SLC22A2: variants seen among roughly 807,000 people sequenced by gnomAD.
SLC22A2 encodes organic cation transporter 2.
Under a neutral mutation model 60.5 loss-of-function variants are expected in SLC22A2, and 46 were observed. The ratio of observed to expected loss-of-function variants is 0.76; its 90% CI spans 0.60 to 0.97. SLC22A2 has a LOEUF of 0.97. SLC22A2 is among the 50% of genes least tolerant of loss of function. SLC22A2 has a pLI of 0.00. For missense variants in SLC22A2, 701 were observed against 706.6 expected, an observed-to-expected ratio of 0.99 and a Z score of 0.09; for synonymous variants, 303 against 267.0, an observed-to-expected ratio of 1.13 and a Z score of -1.31.
intron 10 of SLC22A2, among the ~76,000 whole-genome samples, chr6:160,218,807 A>G (rs1190252805): frequency 9.0e-4 from 1 of 1,114 alleles, no homozygotes; most frequent in African/African-American, 4.4e-3. Flanking sequence ...AGCAGCAACA[A>G]TAGCAACAGA....
intron 4 of SLC22A2, 56 bp from the exon 5 acceptor site, chr6:160,247,354 C>G: frequency 1.1e-6 from 1 of 912,936 alleles, no homozygotes; most frequent in East Asian, 2.4e-5. Flanking sequence ...TACCCCATCC[C>G]CCATTTTTTT....
rs201597057 is a variant in SLC22A2, at chr6:160,258,630, A to G, written c.128T>C (p.Leu43Pro). The change falls in exon 1 of 11, where the codon CTG becomes CCG. Residue 43 changes from leucine to proline, a missense_variant. By Grantham distance (98) the Leu-to-Pro change is moderately conservative. Coordinates refer to ENST00000366953, the MANE Select transcript of SLC22A2 (RefSeq NM_003058.4). ...GCAGCGGTGGTCAGGGGTGAAGCCC[A>G]GGAAGACGATGCCCACGTAGATGGG... ...FAPIYVGIVF[L>P]GFTPDHRCRS... 6.2e-7 allele frequency: 1 copy of G among 1,613,992 alleles called. No homozygotes were observed. The highest frequency in any genetic ancestry group is 8.5e-7 in the Non-Finnish European group (1 of 1,179,958).
At position 160,256,681 on chromosome 6, in the gene SLC22A2, G is replaced by C; in HGVS notation, c.451C>G (p.Leu151Val). 1 of 1,614,076 alleles carries C rather than the reference G, an allele frequency of 6.2e-7. No individual in the cohort carries two copies. The highest frequency in any genetic ancestry group is 8.5e-7 in the Non-Finnish European group (1 of 1,179,946). The change falls in exon 2 of 11, where the codon CTA becomes GTA. Residue 151 changes from leucine to valine, a missense_variant. Transcript: ENST00000366953. Reference sequence around the variant, plus strand: ...CCTACATTCACTGATGACTGGAATAGGTCCAACATCCAGGAGTTGGCACAT... The same window carrying C: ...CCTACATTCACTGATGACTGGAATACGTCCAACATCCAGGAGTTGGCACAT... ...LVCANSWMLD[L>V]FQSSVNVGFF...
At chr6:160,235,808 A>C (rs947914508) in intron 9 of SLC22A2, among the ~76,000 whole-genome samples, 1 of 152,098 alleles carries the variant, frequency 6.6e-6, no homozygotes, top group Non-Finnish European at 1.5e-5. Flanking sequence ...TTTAACATTA[A>C]TAGTACACTA....
At chr6:160,234,500 C>T (rs1172003821) in intron 9 of SLC22A2, among the ~76,000 whole-genome samples, 1 of 152,222 alleles carries the variant, frequency 6.6e-6, no homozygotes, top group Non-Finnish European at 1.5e-5. Context: ...CCTGCCGCCC[C>T]ACCAGACAAT....
chr6:160,253,523 C>T (rs1183983731), intron 2 of SLC22A2, among the ~76,000 whole-genome samples: 3 of 152,062 alleles, frequency 2.0e-5, no homozygotes, highest in African/African-American at 4.8e-5. Flanking sequence ...GTGTCCAAGC[C>T]CCGCCTCCAG....
intron 2 of SLC22A2, 64 bp from the exon 3 acceptor site, chr6:160,250,766 T>C: frequency 1.3e-6 from 2 of 1,516,950 alleles, no homozygotes; most frequent in Non-Finnish European, 1.8e-6. Flanking sequence ...TTGTGGAAAA[T>C]GCATGGAAGT....
At position 160,258,436 on chromosome 6, in the gene SLC22A2, C is replaced by A. The variant is rs1366541162; in HGVS notation, c.322G>T (p.Ala108Ser). ...QSTFDCVDPL[A>S]SLDTNRSRLP... Reference sequence around the variant, plus strand: ...CGGCTCCTGTTGGTGTCCAGGCTGGCCAGGGGGTCCACGCAGTCGAAGGTG... The same window carrying A: ...CGGCTCCTGTTGGTGTCCAGGCTGGACAGGGGGTCCACGCAGTCGAAGGTG... Residue 108 changes from alanine (A) to serine (S), a missense_variant, in exon 1 of 11, where the codon GCC (alanine) becomes TCC (serine). Physicochemically the swap from Ala to Ser is moderately conservative, Grantham distance 99 (BLOSUM62 1). Coordinates refer to ENST00000366953, the MANE Select transcript of SLC22A2 (RefSeq NM_003058.4). 1 of 1,613,992 alleles carries A rather than the reference C, an allele frequency of 6.2e-7. No homozygotes were observed. Among genetic ancestry groups the A allele is most frequent in the Non-Finnish European group, 8.5e-7 (1 of 1,180,032 alleles).
At chr6:160,241,629 T>G (rs1783004775) in intron 8 of SLC22A2, 43 bp from the exon 9 acceptor site, 1 of 1,268,184 alleles carries the variant, frequency 7.9e-7, no homozygotes, top group Non-Finnish European at 1.2e-6. Context: ...CTTATCACAG[T>G]GCAGTAGTTA....
At chr6:160,224,618 T>C (rs767248826) in intron 10 of SLC22A2, 87 bp downstream of exon 10, 1 of 665,796 alleles carries the variant, frequency 1.5e-6, no homozygotes. Flanking sequence ...GTGTGAAGTA[T>C]AAAGTCAATT....
rs1391775323 is a variant in SLC22A2 at position 160,217,043 on chromosome 6, T to C, written c.*389A>G. 5.6e-5 allele frequency: 9 copies of C among 160,138 alleles called. No homozygotes were observed. The highest frequency in any genetic ancestry group is 2.2e-4 in the African/African-American group (9 of 40,944). The allele number at this position is 160,138 out of a possible 1,614,324, so 9.9% of individuals were successfully genotyped here. A position where few individuals can be genotyped will look rare whatever the true frequency, so the allele number is the denominator to read the frequency against. On this transcript the variant is annotated 3_prime_UTR_variant, in exon 11 of 11. Transcript: ENST00000366953. ...TTTATTTCTTTAAGAAAATAGATGC[T>C]CCTCTCCCAACTTTACTGTTTTTCA...
chr6:160,224,802 C>A lies in SLC22A2; in HGVS notation c.1504G>T (p.Val502Leu), dbSNP rs140033522. Reference protein sequence around the residue: ...WLELPLMVFGVLGLVAGGLVL... With the variant: ...WLELPLMVFGLLGLVAGGLVL... ...AGACCTCCAGCAACCAAGCCAAGCA[C>A]GCCTGAAAGCCAAACAGATGAATAT... Residue 502 changes from valine (V) to leucine (L), a missense_variant and splice_region_variant, in exon 10 of 11, where the codon GTG becomes TTG. Val to Leu is a conservative substitution (Grantham distance 32, BLOSUM62 1). Transcript: ENST00000366953. 1.3e-6 allele frequency: 2 copies of A among 1,559,648 alleles called. No individual in the cohort carries two copies. The highest frequency in any genetic ancestry group is 1.8e-5 in the Admixed American group (1 of 56,632).
intron 2 of SLC22A2, among the ~76,000 whole-genome samples, chr6:160,253,945 G>T (rs559736328): frequency 6.6e-6 from 1 of 152,176 alleles, no homozygotes; most frequent in Admixed American, 6.5e-5. Flanking sequence ...CCCTCCCAGA[G>T]AACTAGTTGT....
chr6:160,218,930 G>GC (rs1192118124), intron 10 of SLC22A2, among the ~76,000 whole-genome samples: 40 of 37,466 alleles, frequency 1.1e-3, no homozygotes, highest in Non-Finnish European at 1.7e-3. Context: ...AGCAGCAACA[G>GC]AAGTAGCAGT....
intron 9 of SLC22A2, among the ~76,000 whole-genome samples, chr6:160,236,284 G>A (rs1782910959): frequency 6.6e-6 from 1 of 152,184 alleles, no homozygotes; most frequent in African/African-American, 2.4e-5. Context: ...CAAAGCAGGA[G>A]TTAACTGCAT....
At chr6:160,245,881 T>TC (rs1491536732) in intron 5 of SLC22A2, among the ~76,000 whole-genome samples, 3 of 132,566 alleles carry the variant, frequency 2.3e-5, no homozygotes, top group East Asian at 2.1e-4. Context: ...TTTTTTTTTT[T>TC]CCCCGAGACA....
Position 160,245,534 on chromosome 6 carries a change from A to G in SLC22A2, c.969T>C (p.Leu323=). The stretch of plus-strand genomic sequence containing the variant: ...TCAATTTCTTGCCAGTTTCCTCTTC[A>G]AGTCTCAGGCGCTAAGAAAAGGAAT... ...SLPASLQRLR[L]EEETGKKLNP... Residue 323 remains leucine, a synonymous_variant, in exon 6 of 11, where the codon CTT becomes CTC. Coordinates refer to ENST00000366953, the MANE Select transcript of SLC22A2 (RefSeq NM_003058.4). 6.2e-7 allele frequency: 1 copy of G among 1,608,958 alleles called. No homozygotes were observed. The highest frequency in any genetic ancestry group is 1.1e-5 in the South Asian group (1 of 90,200).
At chr6:160,238,774 T>A (rs556278836) in intron 9 of SLC22A2, among the ~76,000 whole-genome samples, 1 of 152,344 alleles carries the variant, frequency 6.6e-6, no homozygotes, top group East Asian at 1.9e-4. Context: ...TTACTTTAAA[T>A]ATTGAAATGT....
Position 160,217,424 on chromosome 6 carries a change from C to G in SLC22A2, c.*8G>C. On this transcript the variant is annotated 3_prime_UTR_variant, in exon 11 of 11. Coordinates refer to ENST00000366953, the MANE Select transcript of SLC22A2 (RefSeq NM_003058.4). Reference sequence around the variant, plus strand: ...GCTAGGTCATGACAGCAGCAACGGTCTCTCTTCTTAGTTCAATGGAATGTC... The same window carrying G: ...GCTAGGTCATGACAGCAGCAACGGTGTCTCTTCTTAGTTCAATGGAATGTC... 1 of 1,583,116 alleles carries G rather than the reference C, an allele frequency of 6.3e-7. No homozygotes were observed.
Sources: gnomAD v4.1 joint callset for allele counts (sites outside exome capture counted in the v4.1 genomes callset) on GRCh38, gnomAD v4.1.1 for gene constraint, MANE v1.5 for transcripts, NCBI Gene and HGNC (gene_info 2026-07-23, HGNC 2026-07-21) for gene names.